CAMTA1: variants seen among roughly 807,000 people sequenced by gnomAD.
CAMTA1 encodes calmodulin-binding transcription activator 1.
A neutral mutation model predicts 170.9 loss-of-function variants in CAMTA1; 27 were observed. That is an observed-to-expected ratio of 0.16 (90% confidence interval 0.12 to 0.22). The LOEUF (loss-of-function observed/expected upper bound fraction) is 0.22. Ranked by LOEUF, CAMTA1 falls within the 10% of genes least tolerant of loss-of-function variation. The pLI is 1.00. For missense variants in CAMTA1, 1,619 were observed against 2,217.2 expected (o/e 0.73, Z 5.42); for synonymous variants, 833 against 891.5 (o/e 0.93, Z 1.17).
At chr1:6,864,635 A>T (rs992946845) in intron 3 of CAMTA1, among the ~76,000 whole-genome samples, 3 of 152,022 alleles carry the variant, frequency 2.0e-5, no homozygotes, top group African/African-American at 7.3e-5. Flanking sequence ...TCCCTTAGAC[A>T]TGTCGTTGCC....
intron 9 of CAMTA1, among the ~76,000 whole-genome samples, chr1:7,668,961 C>T (rs1352905017): frequency 6.6e-6 from 1 of 152,214 alleles, no homozygotes; most frequent in Non-Finnish European, 1.5e-5. Context: ...TCAGGCTCCA[C>T]CTGTCCGCCG....
intron 6 of CAMTA1, among the ~76,000 whole-genome samples, chr1:7,485,611 T>C (rs2093607410): frequency 6.6e-6 from 1 of 152,178 alleles, no homozygotes; most frequent in African/African-American, 2.4e-5. Context: ...CCTGCCAGGC[T>C]CTGGGCCCCT....
chr1:7,547,888 C>G lies in CAMTA1; in HGVS notation c.510+79987C>G, dbSNP rs189112389. Among the ~76,000 whole-genome samples the G allele has an allele frequency of 1.2e-3, 186 of 152,198 alleles. 1 individual carries two copies. Among genetic ancestry groups the G allele is most frequent in the African/African-American group, 3.7e-3 (153 of 41,532 alleles). On this transcript the variant is annotated intron_variant, in intron 6 of 22. Coordinates refer to ENST00000303635, the MANE Select transcript of CAMTA1 (RefSeq NM_015215.4). The surrounding 1 kb of genome is among the most constrained non-coding windows in gnomAD (Gnocchi z 5.7). ...AAGGGCACTCCACTGTGTGGACCCC[C>G]CACTCACCCGTCAATATGCCCTTAT...
intron 6 of CAMTA1, among the ~76,000 whole-genome samples, chr1:7,614,773 G>T (rs186804159): frequency 2.0e-5 from 3 of 152,080 alleles, no homozygotes; most frequent in Non-Finnish European, 4.4e-5. Context: ...CATCTGATGG[G>T]CCCCCAGCCC....
intron 4 of CAMTA1, among the ~76,000 whole-genome samples, chr1:7,239,233 A>G (rs1664431012): frequency 6.6e-6 from 1 of 152,200 alleles, no homozygotes; most frequent in African/African-American, 2.4e-5. Context: ...TACACTGATC[A>G]CTGTTACAAA....
chr1:6,982,578 T>TCCCCCTTC (rs1694617956), intron 3 of CAMTA1, among the ~76,000 whole-genome samples: 1 of 152,212 alleles, frequency 6.6e-6, no homozygotes, highest in Admixed American at 6.5e-5. Context: ...GGCCCTTAGC[T>TCCCCCTTC]ACTTCTTAAG....
Position 7,470,736 on chromosome 1 carries a change from C to T in CAMTA1, c.510+2835C>T, listed in dbSNP as rs569474434. On this transcript the variant is annotated intron_variant, in intron 6 of 22. Transcript: ENST00000303635. ...AGGAGACTTTCTCCAAGGAATAGCA[C>T]CCACTGCCCCACCTTTGTAGCCTCA... Among the ~76,000 whole-genome samples the T allele has an allele frequency of 5.9e-5, 9 of 152,338 alleles. No homozygotes were observed. In the South Asian group the frequency reaches 1.9e-3, roughly 32 times the overall value.
At chr1:7,493,052 TAC>T (rs1217654138) in intron 6 of CAMTA1, among the ~76,000 whole-genome samples, 2 of 80,296 alleles carry the variant, frequency 2.5e-5, no homozygotes, top group African/African-American at 6.4e-5. Context: ...CAAACCTACA[TAC>T]ACACGCGCGC....
intron 5 of CAMTA1, among the ~76,000 whole-genome samples, chr1:7,357,251 C>G (rs1310327094): frequency 6.6e-6 from 1 of 152,252 alleles, no homozygotes; most frequent in Non-Finnish European, 1.5e-5. Flanking sequence ...ATGTCTTCCT[C>G]CCTGAACACT....
At chr1:7,389,922 C>T (rs1267241841) in intron 5 of CAMTA1, among the ~76,000 whole-genome samples, 1 of 152,138 alleles carries the variant, frequency 6.6e-6, no homozygotes, top group Non-Finnish European at 1.5e-5. Flanking sequence ...GTTTGCTTTC[C>T]AAGTCAGGGC....
At position 7,331,966 on chromosome 1, in the gene CAMTA1, A is replaced by T. The variant is rs75736353; in HGVS notation, c.438+82340A>T. Among the ~76,000 whole-genome samples, 915 of 152,190 alleles carry T rather than the reference A, an allele frequency of 6.0e-3. 6 individuals carry two copies. Among genetic ancestry groups the T allele is most frequent in the African/African-American group, 0.02 (819 of 41,498 alleles). On this transcript the variant is annotated intron_variant, in intron 5 of 22. Coordinates refer to ENST00000303635, the MANE Select transcript of CAMTA1 (RefSeq NM_015215.4). ...TTCAAGACTTAGACGCCTCTCCCCA[A>T]CCCGTTTGTGCAGAAAGATTGGCTT...
In CAMTA1 at chr1:7,565,925, GGAGAGAGAGA is replaced by G. The variant is rs112929831; in HGVS notation, c.511-74460_511-74451del. ...TTCTCGCTGTGTCCTCACATAGTAG[GGAGAGAGAGA>G]GAGAGAGAGAGAGAATCTTACTCTT... On this transcript the variant is annotated intron_variant, in intron 6 of 22. Transcript: ENST00000303635. This position sits in a 1 kb window ranked among gnomAD's most constrained non-coding sequence, Gnocchi z 4.5. 6.7e-6 allele frequency among the ~76,000 whole-genome samples: 1 copy of G among 148,798 alleles called. No individual in the cohort carries two copies. The highest frequency in any genetic ancestry group is 1.5e-5 in the Non-Finnish European group (1 of 66,964).
chr1:7,637,898 T>A (rs1204982091), intron 6 of CAMTA1, among the ~76,000 whole-genome samples: 1 of 152,198 alleles, frequency 6.6e-6, no homozygotes. Flanking sequence ...TCAGGGATTA[T>A]CGTGATTATT....
rs1673570801 is a variant in CAMTA1 at position 6,887,562 on chromosome 1, T to C, written c.234+62352T>C. On this transcript the variant is annotated intron_variant, in intron 3 of 22. Transcript: ENST00000303635. This position sits in a 1 kb window ranked among gnomAD's most constrained non-coding sequence, Gnocchi z 4.1. ...GCCTTTACCCAGATGTCTCCTCCTCTCTCTGCCTCTGGAAATGGGGCAAAT... is the reference window on the plus strand; with the variant it reads ...GCCTTTACCCAGATGTCTCCTCCTCCCTCTGCCTCTGGAAATGGGGCAAAT... 2 of 1,514,544 alleles carry C rather than the reference T, an allele frequency of 1.3e-6. No individual in the cohort carries two copies. Among genetic ancestry groups the C allele is most frequent in the African/African-American group, 1.4e-5 (1 of 72,398 alleles). The allele number at this position is 1,514,544 out of a possible 1,614,324, so 93.8% of individuals were successfully genotyped here. A position where few individuals can be genotyped will look rare whatever the true frequency, so the allele number is the denominator to read the frequency against.
At chr1:6,981,832 G>A (rs1347327003) in intron 3 of CAMTA1, among the ~76,000 whole-genome samples, 1 of 152,094 alleles carries the variant, frequency 6.6e-6, no homozygotes, top group Non-Finnish European at 1.5e-5. Context: ...GGGCTCAAGT[G>A]ATCTTTGTGC....
In CAMTA1 at chr1:7,609,139, G is replaced by C. The variant is rs148490253; in HGVS notation, c.511-31261G>C. Reference sequence around the variant, plus strand: ...GACATTCTGGCCCCTTCCCACTACCGGCCTAGCCCTGCCGCCTGTGCCTTG... The same window carrying C: ...GACATTCTGGCCCCTTCCCACTACCCGCCTAGCCCTGCCGCCTGTGCCTTG... On this transcript the variant is annotated intron_variant, in intron 6 of 22. Transcript: ENST00000303635. This position sits in a 1 kb window ranked among gnomAD's most constrained non-coding sequence, Gnocchi z 4.4. Among the ~76,000 whole-genome samples the C allele has an allele frequency of 1.3e-5, 2 of 152,112 alleles. No individual in the cohort carries two copies. The highest frequency in any genetic ancestry group is 2.9e-5 in the Non-Finnish European group (2 of 68,026).
intron 3 of CAMTA1, among the ~76,000 whole-genome samples, chr1:6,853,686 G>A (rs76668000): frequency 0.018 from 2,734 of 152,208 alleles, 92 homozygotes; most frequent in African/African-American, 0.061. Context: ...ACTCTGTACC[G>A]CTTTCAAGGA....
chr1:7,360,659 A>G (rs2085472867), intron 5 of CAMTA1, among the ~76,000 whole-genome samples: 1 of 152,174 alleles, frequency 6.6e-6, no homozygotes, highest in African/African-American at 2.4e-5. Flanking sequence ...AGGACTGTGT[A>G]GTCCCTAGAG....
chr1:6,962,271 C>A (rs899470330), intron 3 of CAMTA1, among the ~76,000 whole-genome samples: 5 of 152,158 alleles, frequency 3.3e-5, no homozygotes, highest in Non-Finnish European at 7.3e-5. Flanking sequence ...TCATTTTACT[C>A]CCCCCAGGTC....
Sources: allele counts gnomAD v4.1 joint callset (sites outside exome capture counted in the v4.1 genomes callset), GRCh38; gene constraint gnomAD v4.1.1; non-coding constraint Gnocchi (gnomAD v3.1); transcripts MANE v1.5; gene names NCBI Gene and HGNC (gene_info 2026-07-23, HGNC 2026-07-21).